The following SLC24A2 variants were observed in gnomAD, a reference collection of about 807,000 sequenced individuals.
SLC24A2 encodes the protein solute carrier family 24 member 2.
Under a neutral mutation model 62.0 loss-of-function variants are expected in SLC24A2, and 36 were observed. That is an observed-to-expected ratio of 0.58 (90% confidence interval 0.44 to 0.77). SLC24A2 has a LOEUF of 0.77. Ranked by LOEUF, SLC24A2 falls within the 30% of genes least tolerant of loss-of-function variation. SLC24A2 has a pLI of 0.00. For synonymous variants in SLC24A2, 358 were observed against 294.0 expected, an observed-to-expected ratio of 1.22 and a Z score of -2.23; for missense variants, 846 against 817.9, an observed-to-expected ratio of 1.03 and a Z score of -0.42.
chr9:20,227,612 A>G, the SLC24A2 span, among the ~76,000 whole-genome samples: 1 of 150,454 alleles, frequency 6.6e-6, no homozygotes, highest in African/African-American at 2.4e-5. Flanking sequence ...GTAATGTACT[A>G]TTAATATAAC....
chr9:19,683,611 AAC>A (rs1352926887), intron 2 of SLC24A2, among the ~76,000 whole-genome samples: 8 of 151,898 alleles, frequency 5.3e-5, no homozygotes, highest in Non-Finnish European at 8.8e-5. Context: ...AAACCTCACT[AAC>A]ACAACAATAT....
At position 19,509,730 on chromosome 9, in the gene SLC24A2, A is replaced by T. The variant is rs2132599539; in HGVS notation, c.*6423T>A. On this transcript the variant is annotated 3_prime_UTR_variant, in exon 11 of 11. Coordinates refer to ENST00000341998, the MANE Select transcript of SLC24A2 (RefSeq NM_020344.4). ...TTTTTTTACTTTTCTGTTTTTTATGACATGATTTTAAAAATTAGTATTTTC... is the reference window on the plus strand; with the variant it reads ...TTTTTTTACTTTTCTGTTTTTTATGTCATGATTTTAAAAATTAGTATTTTC... 1 of 152,312 alleles carries T rather than the reference A, an allele frequency of 6.6e-6. No individual in the cohort carries two copies. The highest frequency in any genetic ancestry group is 1.9e-4 in the East Asian group (1 of 5,186). 9.4% of individuals were successfully genotyped at this position (152,312 alleles called of 1,614,324 possible).
intron 8 of SLC24A2, among the ~76,000 whole-genome samples, chr9:19,534,890 G>A (rs185975083): frequency 1.3e-5 from 2 of 151,800 alleles, no homozygotes; most frequent in African/African-American, 4.9e-5. Context: ...GAGATTGCTG[G>A]GTCAAATGGT....
Position 19,566,237 on chromosome 9 carries a change from A to G in SLC24A2, c.1347+7114T>C, listed in dbSNP as rs577596021. ...CTCATCTGACAAAGGGCTAATATCC[A>G]GAATCTACAATGAACTCAAACAAAT... On this transcript the variant is annotated intron_variant, in intron 7 of 10. Coordinates refer to ENST00000341998, the MANE Select transcript of SLC24A2 (RefSeq NM_020344.4). Among the ~76,000 whole-genome samples, 22 of 150,626 alleles carry G rather than the reference A, an allele frequency of 1.5e-4. No individual in the cohort carries two copies. In the East Asian group the frequency reaches 4.3e-3, roughly 29 times the overall value.
chr9:20,296,060 G>A, the SLC24A2 span, among the ~76,000 whole-genome samples: 13 of 152,158 alleles, frequency 8.5e-5, no homozygotes, highest in African/African-American at 2.9e-4. Flanking sequence ...ATTTAATTGT[G>A]TGAGGCTACT....
At chr9:19,679,838 CTGTGTGTGTGTG>C (rs58253967) in intron 2 of SLC24A2, among the ~76,000 whole-genome samples, 51,593 of 142,420 alleles carry the variant, frequency 0.36, 10,670 homozygotes, top group East Asian at 0.67. Flanking sequence ...CTCACATATA[CTGTGTGTGTGTG>C]TGTGTGTGTG....
chr9:20,122,335 G>A, the SLC24A2 span, among the ~76,000 whole-genome samples: 1 of 152,186 alleles, frequency 6.6e-6, no homozygotes, highest in African/African-American at 2.4e-5. Flanking sequence ...ACAAGGGAAA[G>A]CAGTTGATTG....
chr9:19,868,894 A>G, the SLC24A2 span, among the ~76,000 whole-genome samples: 5 of 151,124 alleles, frequency 3.3e-5, no homozygotes, highest in Admixed American at 2.6e-4. Context: ...TTCAAAGTTG[A>G]ATTTTCTTTT....
At chr9:19,714,025 G>T (rs1295541788) in intron 2 of SLC24A2, among the ~76,000 whole-genome samples, 2 of 152,144 alleles carry the variant, frequency 1.3e-5, no homozygotes, top group African/African-American at 4.8e-5. Context: ...TAATACCTCA[G>T]TTCCTAAAAA....
the SLC24A2 span, among the ~76,000 whole-genome samples, chr9:19,851,312 A>T: frequency 1.3e-5 from 2 of 151,802 alleles, no homozygotes; most frequent in South Asian, 4.2e-4. Flanking sequence ...GGTGTGAGCT[A>T]CTGCGCCTGG....
At chr9:19,829,626 G>A in the SLC24A2 span, among the ~76,000 whole-genome samples, 1 of 151,744 alleles carries the variant, frequency 6.6e-6, no homozygotes, top group Non-Finnish European at 1.5e-5. Context: ...AGCTATTCAG[G>A]AGGCTGTGGT....
the SLC24A2 span, among the ~76,000 whole-genome samples, chr9:20,051,647 TTTTC>T: frequency 1.2e-4 from 17 of 142,826 alleles, no homozygotes; most frequent in African/African-American, 3.4e-4. Flanking sequence ...CTGTGAGGTT[TTTTC>T]TTTCTCTTTT....
chr9:19,871,945 CT>C, the SLC24A2 span, among the ~76,000 whole-genome samples: 21 of 151,246 alleles, frequency 1.4e-4, no homozygotes, highest in Non-Finnish European at 1.6e-4. Context: ...ATTTTGAAGA[CT>C]TTTTTTTTGT....
At chr9:19,902,411 G>T in the SLC24A2 span, among the ~76,000 whole-genome samples, 3 of 152,286 alleles carry the variant, frequency 2.0e-5, no homozygotes, top group South Asian at 6.2e-4. Flanking sequence ...TACAACAGAT[G>T]AATCCTGCCC....
the SLC24A2 span, among the ~76,000 whole-genome samples, chr9:20,035,313 T>C: frequency 1.5e-3 from 236 of 152,334 alleles, 2 homozygotes; most frequent in Admixed American, 5.8e-3. Flanking sequence ...GTCCATTATA[T>C]AGGAAATGCT....
At chr9:20,300,109 G>A in the SLC24A2 span, among the ~76,000 whole-genome samples, 2 of 152,202 alleles carry the variant, frequency 1.3e-5, no homozygotes, top group Non-Finnish European at 2.9e-5. Context: ...TAGATGGGCA[G>A]ACAGACTTTT....
At chr9:20,182,899 A>G in the SLC24A2 span, among the ~76,000 whole-genome samples, 3 of 152,246 alleles carry the variant, frequency 2.0e-5, no homozygotes, top group Non-Finnish European at 4.4e-5. Context: ...ACATTGGGCC[A>G]CAATCTTTTT....
chr9:20,186,102 G>A, the SLC24A2 span, among the ~76,000 whole-genome samples: 3 of 152,062 alleles, frequency 2.0e-5, no homozygotes, highest in African/African-American at 4.8e-5. Context: ...TCTGAGGAGG[G>A]GGCCGGCCTT....
At chr9:19,983,547 GC>G in the SLC24A2 span, among the ~76,000 whole-genome samples, 1 of 152,150 alleles carries the variant, frequency 6.6e-6, no homozygotes, top group Non-Finnish European at 1.5e-5. Context: ...GGAGGCTGAG[GC>G]AGGAGAATTG....
Sources: allele counts gnomAD v4.1 joint callset (sites outside exome capture counted in the v4.1 genomes callset), GRCh38; gene constraint gnomAD v4.1.1; transcripts MANE v1.5; gene names NCBI Gene and HGNC (gene_info 2026-07-23, HGNC 2026-07-21).